Variants in BICRAL observed in about 807,000 individuals in gnomAD.
The protein encoded by BICRAL is BICRA like chromatin remodeling complex associated protein.
In BICRAL, 8 loss-of-function variants were observed where a neutral mutation model predicts 91.8. That is an observed-to-expected ratio of 0.09 (90% CI 0.05 to 0.16). The LOEUF is 0.16. BICRAL is among the 10% of genes least tolerant of loss of function. The probability of loss-of-function intolerance (pLI) is 1.00; values close to 1 mark genes in which losing one functional copy is unlikely to be tolerated. For synonymous variants in BICRAL, 445 were observed against 491.1 expected (o/e 0.91, Z 1.24); for missense variants, 1,038 against 1,310.9 (o/e 0.79, Z 3.21).
chr6:42,781,967 C>G (rs1762923032), upstream of BICRAL: 3 of 146,054 alleles, frequency 2.1e-5, no homozygotes, highest in Admixed American at 6.8e-5. Context: ...GAGAGCGGAG[C>G]GCGTGTGGCC....
At chr6:42,859,447 G>A (rs935222352) in intron 10 of BICRAL, among the ~76,000 whole-genome samples, 1 of 151,688 alleles carries the variant, frequency 6.6e-6, no homozygotes, top group South Asian at 2.1e-4. Context: ...GAATTAGAAG[G>A]TGTTCAAATC....
chr6:42,810,996 C>T (rs925639815), intron 2 of BICRAL, among the ~76,000 whole-genome samples: 2 of 152,190 alleles, frequency 1.3e-5, no homozygotes, highest in African/African-American at 4.8e-5. Flanking sequence ...CCTATAATCT[C>T]TGCCGATGAA....
At chr6:42,751,981 T>C (rs1347272497) in intron 1 of BICRAL, among the ~76,000 whole-genome samples, 1 of 152,176 alleles carries the variant, frequency 6.6e-6, no homozygotes, top group East Asian at 1.9e-4. Flanking sequence ...AGTAGTTTGA[T>C]GCCAGAAAGA....
intron 1 of BICRAL, among the ~76,000 whole-genome samples, chr6:42,796,741 T>C (rs1236201890): frequency 1.3e-5 from 2 of 151,952 alleles, no homozygotes; most frequent in Admixed American, 6.6e-5. Context: ...ACATATGCGA[T>C]GTGGGTATAG....
chr6:42,819,445 C>G (rs760233983), intron 2 of BICRAL, among the ~76,000 whole-genome samples: 1 of 152,024 alleles, frequency 6.6e-6, no homozygotes, highest in Non-Finnish European at 1.5e-5. Flanking sequence ...GCCACCATGC[C>G]TGGCTAATTT....
At position 42,866,551 on chromosome 6, in the gene BICRAL, T is replaced by A. The variant is rs1406147397; in HGVS notation, c.*1105T>A. ...ACTTTAAGGAGACTCTGGCCTTGTTTATGCTTCTTGTCTGAGAACAGTAGT... is the reference window on the plus strand; with the variant it reads ...ACTTTAAGGAGACTCTGGCCTTGTTAATGCTTCTTGTCTGAGAACAGTAGT... On this transcript the variant is annotated 3_prime_UTR_variant, in exon 13 of 13. Coordinates refer to ENST00000314073, the MANE Select transcript of BICRAL (RefSeq NM_001393499.1). 4.6e-6 allele frequency: 1 copy of A among 217,116 alleles called. No individual in the cohort carries two copies. The highest frequency in any genetic ancestry group is 6.9e-5 in the South Asian group (1 of 14,524). The allele number at this position is 217,116 out of a possible 1,614,324, so 13.4% of individuals were successfully genotyped here.
At chr6:42,755,669 T>G (rs1762446492) in intron 1 of BICRAL, among the ~76,000 whole-genome samples, 1 of 151,150 alleles carries the variant, frequency 6.6e-6, no homozygotes, top group Admixed American at 6.6e-5. Context: ...AGTCACCTCT[T>G]TCTTTTTTTT....
intron 1 of BICRAL, among the ~76,000 whole-genome samples, chr6:42,807,308 C>T (rs1189650323): frequency 6.6e-6 from 1 of 151,838 alleles, no homozygotes; most frequent in South Asian, 2.1e-4. Flanking sequence ...CTCAGCCTCC[C>T]GAGTAGCTGC....
chr6:42,791,028 C>A (rs1182209785), intron 1 of BICRAL, among the ~76,000 whole-genome samples: 5 of 152,008 alleles, frequency 3.3e-5, no homozygotes, highest in African/African-American at 1.2e-4. Flanking sequence ...CAGGACTTGA[C>A]TGTGCTGGGG....
At position 42,865,358 on chromosome 6, in the gene BICRAL, T is replaced by C. The variant is rs746216084; in HGVS notation, c.3152T>C (p.Leu1051Pro). 1 of 1,613,640 alleles carries C rather than the reference T, an allele frequency of 6.2e-7. No individual in the cohort carries two copies. The highest frequency in any genetic ancestry group is 1.1e-5 in the South Asian group (1 of 91,076). ...FSPMASQENC[L>P]EKFIPDHSEG... ...CCTATGGCTTCACAGGAAAACTGCC[T>C]GGAAAAGTTCATCCCGGACCACAGT... Residue 1051 changes from leucine to proline, a missense_variant, in exon 13 of 13, where the codon CTG becomes CCG. By Grantham distance (98) the Leu-to-Pro change is moderately conservative. Coordinates refer to ENST00000314073, the MANE Select transcript of BICRAL (RefSeq NM_001393499.1).
At chr6:42,839,382 G>A (rs1292818938) in intron 6 of BICRAL, among the ~76,000 whole-genome samples, 1 of 151,926 alleles carries the variant, frequency 6.6e-6, no homozygotes, top group Non-Finnish European at 1.5e-5. Flanking sequence ...GGGGTCAAGC[G>A]ATCTTCCCAC....
intron 1 of BICRAL, among the ~76,000 whole-genome samples, chr6:42,765,834 T>C (rs1762622823): frequency 6.6e-6 from 1 of 152,144 alleles, no homozygotes; most frequent in Admixed American, 6.5e-5. Flanking sequence ...GAGCATTGAT[T>C]TGAGGCAATA....
intron 1 of BICRAL, among the ~76,000 whole-genome samples, chr6:42,783,643 TCTC>T (rs1215998976): frequency 3.3e-5 from 5 of 152,088 alleles, no homozygotes; most frequent in Non-Finnish European, 7.4e-5. Context: ...CGCGCGGCCT[TCTC>T]CTTCCCCACG....
At chr6:42,840,578 C>A (rs1262856164) in intron 6 of BICRAL, among the ~76,000 whole-genome samples, 3 of 151,730 alleles carry the variant, frequency 2.0e-5, no homozygotes, top group Non-Finnish European at 4.4e-5. Context: ...GCTTTGTCAC[C>A]CAGGCTGGAG....
intron 6 of BICRAL, among the ~76,000 whole-genome samples, chr6:42,833,207 C>T (rs1764545831): frequency 6.6e-6 from 1 of 151,888 alleles, no homozygotes; most frequent in East Asian, 1.9e-4. Context: ...AGGCACCCGC[C>T]ACCATGCCTG....
chr6:42,862,459 A>G (rs746294319), intron 11 of BICRAL, 51 bp from the exon 12 acceptor site: 1 of 1,207,128 alleles, frequency 8.3e-7, no homozygotes, highest in Non-Finnish European at 1.2e-6. Context: ...TTCCAAAAGC[A>G]ACCATTTTTT....
intron 12 of BICRAL, among the ~76,000 whole-genome samples, chr6:42,863,793 C>T (rs1765626260): frequency 6.6e-6 from 1 of 152,104 alleles, no homozygotes; most frequent in Non-Finnish European, 1.5e-5. Flanking sequence ...TTTGGGAGGC[C>T]AAGGCGGGTG....
At chr6:42,856,034 A>G in intron 9 of BICRAL, 117 bp downstream of exon 9, 1 of 870,252 alleles carries the variant, frequency 1.1e-6, no homozygotes, top group Non-Finnish European at 1.9e-6. Flanking sequence ...CTTTTTAAAA[A>G]TGTACTTTGA....
At position 42,855,870 on chromosome 6, in the gene BICRAL, G is replaced by A. The variant is rs898547178; in HGVS notation, c.2061G>A (p.Ser687=). The A allele has an allele frequency of 1.2e-5, 20 of 1,613,106 alleles. No individual in the cohort carries two copies. The highest frequency in any genetic ancestry group is 9.4e-5 in the African/African-American group (7 of 74,822). The change falls in exon 9 of 13, where the codon TCG becomes TCA. Residue 687 remains serine, a synonymous_variant. Transcript: ENST00000314073. ...GHPAVQVESH[S]GGQKRPAAKQ... ...TTTGTCTTTAGGTGGAGAGTCATTC[G>A]GGAGGACAAAAAAGGCCTGCTGCGA...
Sources: gnomAD v4.1 joint callset for allele counts (sites outside exome capture counted in the v4.1 genomes callset) on GRCh38, gnomAD v4.1.1 for gene constraint, MANE v1.5 for transcripts, NCBI Gene and HGNC (gene_info 2026-07-23, HGNC 2026-07-21) for gene names.